FBRSL1: variants seen among roughly 807,000 people sequenced by gnomAD.
The protein encoded by FBRSL1 is fibrosin-1-like protein.
In FBRSL1, 51 loss-of-function variants were observed where a neutral mutation model predicts 89.6. The ratio of observed to expected loss-of-function variants is 0.57; its 90% CI spans 0.45 to 0.72. The LOEUF (loss-of-function observed/expected upper bound fraction) is 0.72. Ranked by LOEUF, FBRSL1 falls within the 30% of genes least tolerant of loss-of-function variation. FBRSL1 has a pLI of 0.00. For synonymous variants in FBRSL1, 779 were observed against 681.1 expected (o/e 1.14, Z -2.24); for missense variants, 1,618 against 1,451.8 (o/e 1.11, Z -1.86).
chr12:132,583,515 G>C lies in FBRSL1; in HGVS notation c.2746G>C (p.Ala916Pro). The C allele has an allele frequency of 9.6e-7, 1 of 1,046,618 alleles. No homozygotes were observed. The highest frequency in any genetic ancestry group is 1.2e-6 in the Non-Finnish European group (1 of 868,966). The allele number at this position is 1,046,618 out of a possible 1,614,324, so 64.8% of individuals were successfully genotyped here. A position where few individuals can be genotyped will look rare whatever the true frequency, so the allele number is the denominator to read the frequency against. ...RAPHLPPAAP[A>P]LDGALLPSLG... ...CCCGCACCTGCCGCCCGCCGCCCCC[G>C]CCTTGGACGGCGCGCTGCTGCCCTC... Residue 916 changes from alanine (A) to proline (P), a missense_variant, in exon 19 of 19, where the codon GCC becomes CCC. Physicochemically the swap from Ala to Pro is conservative, Grantham distance 27. Transcript: ENST00000680143.
intron 1 of FBRSL1, among the ~76,000 whole-genome samples, chr12:132,498,157 C>T (rs1326448893): frequency 2.6e-5 from 4 of 152,132 alleles, no homozygotes; most frequent in Non-Finnish European, 5.9e-5. Flanking sequence ...GAAAGCCGGC[C>T]GTCCAGATCT....
chr12:132,534,779 C>T (rs1322342461), intron 4 of FBRSL1, among the ~76,000 whole-genome samples: 1 of 152,254 alleles, frequency 6.6e-6, no homozygotes, highest in Non-Finnish European at 1.5e-5. Flanking sequence ...CCAGCCCTTG[C>T]AGAGCCTTAG....
rs771996779 is a variant in FBRSL1, at chr12:132,522,928, A to AG, written c.490-2799dup. Among the ~76,000 whole-genome samples the AG allele has an allele frequency of 4.0e-3, 606 of 151,658 alleles. 5 individuals carry two copies. The highest frequency in any genetic ancestry group is 6.8e-3 in the Middle Eastern group (2 of 292). On this transcript the variant is annotated intron_variant, in intron 2 of 18. Coordinates refer to ENST00000680143, the MANE Select transcript of FBRSL1 (RefSeq NM_001367871.1). The stretch of plus-strand genomic sequence containing the variant: ...GGAACAGTCACTCCTTTGTCACTCT[A>AG]GGGGGGGCAGGGGCTTGGGTCGGCT...
At chr12:132,495,862 T>C (rs1396407405) in intron 1 of FBRSL1, among the ~76,000 whole-genome samples, 1 of 152,244 alleles carries the variant, frequency 6.6e-6, no homozygotes, top group Non-Finnish European at 1.5e-5. Flanking sequence ...GAGCAGGGCT[T>C]GCACCTGGCC....
At chr12:132,568,532 C>T (rs2039788362) in intron 6 of FBRSL1, among the ~76,000 whole-genome samples, 1 of 152,380 alleles carries the variant, frequency 6.6e-6, no homozygotes, top group East Asian at 1.9e-4. Flanking sequence ...AGCTCACTGC[C>T]GCGGCTGCTG....
chr12:132,493,191 C>T (rs1267403907), intron 1 of FBRSL1, among the ~76,000 whole-genome samples: 3 of 152,330 alleles, frequency 2.0e-5, no homozygotes, highest in South Asian at 4.1e-4. Context: ...CACGGGACAC[C>T]GAGGGAGATG....
Position 132,574,175 on chromosome 12 carries a change from G to T in FBRSL1, c.1599+17G>T. 2 of 1,425,854 alleles carry T rather than the reference G, an allele frequency of 1.4e-6. No individual in the cohort carries two copies. Among genetic ancestry groups the T allele is most frequent in the South Asian group, 1.5e-5 (1 of 66,396 alleles). 88.3% of individuals were successfully genotyped at this position (1,425,854 alleles called of 1,614,324 possible). ...GCGCCTGGGGTAGGTGTTAGTGGGC[G>T]CCCGTCCCCACCCCGGGGGATGGCC... On this transcript the variant is annotated intron_variant, in intron 12 of 18. Coordinates refer to ENST00000680143, the MANE Select transcript of FBRSL1 (RefSeq NM_001367871.1).
At chr12:132,511,451 G>C in intron 2 of FBRSL1, 1 of 986,136 alleles carries the variant, frequency 1.0e-6, no homozygotes, top group Non-Finnish European at 1.2e-6. Flanking sequence ...TCAGGACCTG[G>C]TCTCAAGGCA....
rs1322644624 is a variant in FBRSL1 at position 132,572,312 on chromosome 12, G to C, written c.1402G>C (p.Asp468His). 1.3e-6 allele frequency: 2 copies of C among 1,551,066 alleles called. No homozygotes were observed. Among genetic ancestry groups the C allele is most frequent in the African/African-American group, 2.7e-5 (2 of 73,038 alleles). ...CQFDKYAPKL[D>H]SPYFRHSSVS... ...GTTTGACAAGTATGCGCCCAAGCTG[G>C]ACAGCCCCTACTTCCGACATTCCAG... The change falls in exon 10 of 19, where the codon GAC becomes CAC. Residue 468 changes from aspartate to histidine, a missense_variant. By Grantham distance (81) the Asp-to-His change is moderately conservative (BLOSUM62 -1). Coordinates refer to ENST00000680143, the MANE Select transcript of FBRSL1 (RefSeq NM_001367871.1).
At chr12:132,577,690 C>G (rs2040467784) in intron 15 of FBRSL1, among the ~76,000 whole-genome samples, 2 of 152,164 alleles carry the variant, frequency 1.3e-5, no homozygotes, top group African/African-American at 4.8e-5. Context: ...GAGTGTCATC[C>G]TCCAGGCACG....
chr12:132,512,840 G>T (rs1243847360), intron 2 of FBRSL1, among the ~76,000 whole-genome samples: 1 of 152,216 alleles, frequency 6.6e-6, no homozygotes, highest in Non-Finnish European at 1.5e-5. Context: ...ACAGCTGGGG[G>T]TGCAGAGGAC....
intron 1 of FBRSL1, chr12:132,507,496 GCTAGAAGGTGCT>G (rs1386225941): frequency 6.7e-6 from 6 of 894,216 alleles, no homozygotes; most frequent in African/African-American, 1.8e-5. Flanking sequence ...CTGTCCGCAG[GCTAGAAGGTGCT>G]CTGAAGGAGT....
intron 4 of FBRSL1, among the ~76,000 whole-genome samples, chr12:132,542,167 C>T (rs965589462): frequency 3.3e-5 from 5 of 152,248 alleles, no homozygotes; most frequent in Non-Finnish European, 5.9e-5. Flanking sequence ...GGGCCAGGAA[C>T]TGGCACACGC....
intron 1 of FBRSL1, among the ~76,000 whole-genome samples, chr12:132,501,796 CT>C (rs932556087): frequency 2.0e-5 from 3 of 152,144 alleles, no homozygotes; most frequent in Non-Finnish European, 4.4e-5. Flanking sequence ...TGCAGGGCGG[CT>C]GAGCAGGAGC....
intron 5 of FBRSL1, chr12:132,552,019 G>A: frequency 3.9e-6 from 1 of 259,046 alleles, no homozygotes; most frequent in Middle Eastern, 1.4e-3. Context: ...CGGCCTGGAA[G>A]GGGCAGGGCT....
In FBRSL1 at chr12:132,583,165, G is replaced by T. The variant is rs552407800; in HGVS notation, c.2396G>T (p.Arg799Leu). Reference sequence around the variant, plus strand: ...GAGGAGGCCGCCAAGATGCCCGCGCGCGCATCCCCGCCCCACAGCAAGGCG... The same window carrying T: ...GAGGAGGCCGCCAAGATGCCCGCGCTCGCATCCCCGCCCCACAGCAAGGCG... ...AKEEAAKMPARASPPHSKAAP... is the reference protein window; with the variant it reads ...AKEEAAKMPALASPPHSKAAP... Residue 799 changes from arginine to leucine, a missense_variant, in exon 19 of 19, where the codon CGC becomes CTC. Coordinates refer to ENST00000680143, the MANE Select transcript of FBRSL1 (RefSeq NM_001367871.1). 6.8e-7 allele frequency: 1 copy of T among 1,460,328 alleles called. No individual in the cohort carries two copies. Among genetic ancestry groups the T allele is most frequent in the South Asian group, 1.3e-5 (1 of 78,294 alleles). 90.5% of individuals were successfully genotyped at this position (1,460,328 alleles called of 1,614,324 possible). A position where few individuals can be genotyped will look rare whatever the true frequency, so the allele number is the denominator to read the frequency against.
chr12:132,581,335 G>A (rs1364129979), intron 15 of FBRSL1, 104 bp from the exon 16 acceptor site: 5 of 1,543,442 alleles, frequency 3.2e-6, no homozygotes, highest in Non-Finnish European at 2.6e-6. Flanking sequence ...AATGGGAGGT[G>A]AAGGTTCACA....
chr12:132,504,981 A>G (rs2033503327), intron 1 of FBRSL1, among the ~76,000 whole-genome samples: 2 of 152,100 alleles, frequency 1.3e-5, no homozygotes, highest in African/African-American at 4.8e-5. Context: ...AACACAAAAA[A>G]ATTAGCTGGG....
rs118166891 is a variant in FBRSL1 at position 132,539,641 on chromosome 12, C to T, written c.616-8362C>T. Among the ~76,000 whole-genome samples the T allele has an allele frequency of 5.4e-3, 687 of 127,316 alleles. 17 individuals carry two copies. The highest frequency in any genetic ancestry group is 0.053 in the East Asian group (187 of 3,496). 83.5% of individuals were successfully genotyped at this position (127,316 alleles called of 152,430 possible). Reference sequence around the variant, plus strand: ...GCCCGCCCAGTCCTGCCCTCCAGCCCCATGCCTACCTAGTCCTGCCGTCCA... The same window carrying T: ...GCCCGCCCAGTCCTGCCCTCCAGCCTCATGCCTACCTAGTCCTGCCGTCCA... On this transcript the variant is annotated intron_variant, in intron 4 of 18. Coordinates refer to ENST00000680143, the MANE Select transcript of FBRSL1 (RefSeq NM_001367871.1).
Sources: gnomAD v4.1 joint callset for allele counts (sites outside exome capture counted in the v4.1 genomes callset) on GRCh38, gnomAD v4.1.1 for gene constraint, MANE v1.5 for transcripts, NCBI Gene and HGNC (gene_info 2026-07-23, HGNC 2026-07-21) for gene names.